OR56A3: variants seen among roughly 807,000 people sequenced by gnomAD.
OR56A3 encodes olfactory receptor family 56 subfamily A member 3, also known as olfactory receptor 56A3.
A neutral mutation model predicts 17.5 loss-of-function variants in OR56A3; 23 were observed. The ratio of observed to expected loss-of-function variants is 1.32; its 90% CI spans 0.95 to 1.87. The LOEUF is 1.87. Among genes scored for constraint, OR56A3 ranks in the 40% most tolerant of loss-of-function variants. The pLI is 0.00. For synonymous variants in OR56A3, 175 were observed against 150.6 expected (o/e 1.16, Z -1.19); for missense variants, 366 against 380.1 (o/e 0.96, Z 0.31).
chr11:5,944,576 G>C (rs1200507989), intron 1 of OR56A3, among the ~76,000 whole-genome samples: 1 of 152,160 alleles, frequency 6.6e-6, no homozygotes, highest in Non-Finnish European at 1.5e-5. Context: ...TCACTGGCTT[G>C]GACCTGAATG....
the OR56A3 span, among the ~76,000 whole-genome samples, chr11:6,013,616 C>G: frequency 6.6e-6 from 1 of 152,208 alleles, no homozygotes; most frequent in African/African-American, 2.4e-5. Context: ...ACCTAGGGAT[C>G]AACCCACTCT....
At chr11:6,005,148 G>A in the OR56A3 span, among the ~76,000 whole-genome samples, 5 of 152,144 alleles carry the variant, frequency 3.3e-5, no homozygotes, top group African/African-American at 1.2e-4. Context: ...TCTCACAAAT[G>A]AAATAGAATA....
chr11:5,994,036 G>A, the OR56A3 span: 1 of 471,766 alleles, frequency 2.1e-6, no homozygotes, highest in South Asian at 1.5e-5. Context: ...GCAGTAGGTG[G>A]TGATCTCAGC....
the OR56A3 span, among the ~76,000 whole-genome samples, chr11:6,008,402 T>A: frequency 2.0e-5 from 3 of 152,168 alleles, no homozygotes; most frequent in Admixed American, 2.0e-4. Flanking sequence ...CATGAGTGAA[T>A]AATTGCTCAA....
At chr11:5,968,611 T>G in the OR56A3 span, 3 of 794,534 alleles carry the variant, frequency 3.8e-6, no homozygotes, top group Admixed American at 2.7e-5. Flanking sequence ...ATTTATAAAA[T>G]GTATGAGATA....
At chr11:5,971,732 A>C in the OR56A3 span, among the ~76,000 whole-genome samples, 12 of 152,238 alleles carry the variant, frequency 7.9e-5, no homozygotes, top group Non-Finnish European at 1.3e-4. Context: ...CAGTGATCAG[A>C]GAGAAATGGA....
chr11:5,959,895 G>A, the OR56A3 span, among the ~76,000 whole-genome samples: 6 of 152,076 alleles, frequency 3.9e-5, no homozygotes, highest in Non-Finnish European at 7.4e-5. Flanking sequence ...TGGATATTCA[G>A]TTTTTCCGAT....
At chr11:5,990,314 A>G in the OR56A3 span, among the ~76,000 whole-genome samples, 1 of 152,224 alleles carries the variant, frequency 6.6e-6, no homozygotes, top group Non-Finnish European at 1.5e-5. Context: ...GGCTAAATTT[A>G]AGCATAGGAA....
At chr11:6,017,557 C>T in the OR56A3 span, among the ~76,000 whole-genome samples, 7 of 152,146 alleles carry the variant, frequency 4.6e-5, no homozygotes, top group Non-Finnish European at 8.8e-5. Flanking sequence ...AGAAACCACC[C>T]TCATAATTCA....
chr11:5,979,815 G>T, the OR56A3 span, among the ~76,000 whole-genome samples: 1 of 151,728 alleles, frequency 6.6e-6, no homozygotes, highest in Non-Finnish European at 1.5e-5. Context: ...CTTTTGATGT[G>T]AGCATTTAGC....
the OR56A3 span, among the ~76,000 whole-genome samples, chr11:5,960,153 T>A: frequency 6.6e-6 from 1 of 152,222 alleles, no homozygotes; most frequent in Non-Finnish European, 1.5e-5. Context: ...TTCAGTATCT[T>A]TTGGGGTTCC....
chr11:5,986,391 C>A, the OR56A3 span: 1 of 1,613,946 alleles, frequency 6.2e-7, no homozygotes, highest in South Asian at 1.1e-5. Flanking sequence ...GTGTTCCCAA[C>A]AAAATGGGGA....
In OR56A3 at chr11:5,947,412, C is replaced by T. The variant is rs1266961648; in HGVS notation, c.66C>T (p.Val22=). The change falls in exon 3 of 3, where the codon GTC becomes GTT. Residue 22 remains valine, a synonymous_variant. Transcript: ENST00000641160. ...CAGACTTCCTCTTGAATTGTTTTGT[C>T]AGATCCCCCAGCTGGCAGCACTGGC... ...EASDFLLNCF[V]RSPSWQHWLS... 1 of 1,614,012 alleles carries T rather than the reference C, an allele frequency of 6.2e-7. No individual in the cohort carries two copies. Among genetic ancestry groups the T allele is most frequent in the Non-Finnish European group, 8.5e-7 (1 of 1,179,992 alleles).
chr11:6,002,489 C>A, the OR56A3 span: 1 of 1,614,170 alleles, frequency 6.2e-7, no homozygotes, highest in Non-Finnish European at 8.5e-7. Context: ...AGTATCTGAG[C>A]CTGGCAGAAA....
chr11:5,975,074 A>AT, the OR56A3 span, among the ~76,000 whole-genome samples: 1 of 152,118 alleles, frequency 6.6e-6, no homozygotes, highest in Non-Finnish European at 1.5e-5. Context: ...ACTAATATGT[A>AT]TTTTTTTCTC....
chr11:5,947,452 A>G lies in OR56A3; in HGVS notation c.106A>G (p.Ser36Gly), dbSNP rs1161785711. ...GCAGCACTGGCTGTCCCTGCCCCTCAGCCTCCTTTTCCTCTTGGCCGTAGG... is the reference window on the plus strand; with the variant it reads ...GCAGCACTGGCTGTCCCTGCCCCTCGGCCTCCTTTTCCTCTTGGCCGTAGG... Reference protein sequence around the residue: ...SWQHWLSLPLSLLFLLAVGAN... With the variant: ...SWQHWLSLPLGLLFLLAVGAN... The change falls in exon 3 of 3, where the codon AGC (serine) becomes GGC (glycine). Residue 36 changes from serine to glycine, a missense_variant. By Grantham distance (56) the Ser-to-Gly change is moderately conservative (BLOSUM62 0). Coordinates refer to ENST00000641160, the MANE Select transcript of OR56A3 (RefSeq NM_001003443.3). 6.2e-7 allele frequency: 1 copy of G among 1,614,138 alleles called. No individual in the cohort carries two copies. Among genetic ancestry groups the G allele is most frequent in the East Asian group, 2.2e-5 (1 of 44,878 alleles).
At chr11:6,006,753 G>A in the OR56A3 span, among the ~76,000 whole-genome samples, 2 of 152,204 alleles carry the variant, frequency 1.3e-5, no homozygotes, top group African/African-American at 4.8e-5. Flanking sequence ...CCATAGGTCA[G>A]TAATGCTTGT....
At chr11:5,999,041 C>T in the OR56A3 span, among the ~76,000 whole-genome samples, 1 of 152,140 alleles carries the variant, frequency 6.6e-6, no homozygotes, top group Non-Finnish European at 1.5e-5. Flanking sequence ...CGAAGGGATG[C>T]TTGTGGAGAG....
At chr11:5,964,199 C>T in the OR56A3 span, among the ~76,000 whole-genome samples, 2 of 152,174 alleles carry the variant, frequency 1.3e-5, no homozygotes, top group East Asian at 3.9e-4. Context: ...TTTGTTATCA[C>T]TCAATTTATA....
Sources: gnomAD v4.1 joint callset for allele counts (sites outside exome capture counted in the v4.1 genomes callset) on GRCh38, gnomAD v4.1.1 for gene constraint, MANE v1.5 for transcripts, NCBI Gene and HGNC (gene_info 2026-07-23, HGNC 2026-07-21) for gene names.